The following ELP5 variants were observed in gnomAD, a reference collection of about 807,000 sequenced individuals.
ELP5 encodes elongator complex protein 5.
Under a neutral mutation model 33.4 loss-of-function variants are expected in ELP5, and 34 were observed. The ratio of observed to expected loss-of-function variants is 1.02; its 90% CI spans 0.78 to 1.36. The LOEUF is 1.36. Among genes scored for constraint, ELP5 ranks in the 40% most tolerant of loss-of-function variants. The pLI is 0.00. For synonymous variants in ELP5, 161 were observed against 146.4 expected (o/e 1.10, Z -0.72); for missense variants, 373 against 371.7 (o/e 1.00, Z -0.03).
chr17:7,258,239 A>G (rs557930977), intron 5 of ELP5, among the ~76,000 whole-genome samples: 2 of 152,258 alleles, frequency 1.3e-5, no homozygotes, highest in South Asian at 2.1e-4. Context: ...ACCTGAGGTT[A>G]GTGGTTTGAG....
At chr17:7,254,927 A>G in intron 4 of ELP5, 124 bp downstream of exon 4, 1 of 698,714 alleles carries the variant, frequency 1.4e-6, no homozygotes, top group Non-Finnish European at 2.1e-6. Context: ...CATTTTTTTG[A>G]CTTTTTTGTC....
chr17:7,253,464 G>A (rs568087719), intron 3 of ELP5, among the ~76,000 whole-genome samples: 2 of 152,324 alleles, frequency 1.3e-5, no homozygotes, highest in Admixed American at 6.5e-5. Context: ...AAGGACTTTA[G>A]TGGGTAGAAT....
At chr17:7,259,282 G>A (rs1029631830) in intron 7 of ELP5, 85 of 1,375,708 alleles carry the variant, frequency 6.2e-5, no homozygotes, top group Non-Finnish European at 7.3e-5. Flanking sequence ...CTTAGTACAC[G>A]CTTGCTGTTC....
chr17:7,257,077 C>T (rs1461323614), intron 5 of ELP5, 39 bp downstream of exon 5: 17 of 1,503,280 alleles, frequency 1.1e-5, no homozygotes, highest in Non-Finnish European at 1.3e-5. Flanking sequence ...AAACGGGGGA[C>T]AGAGAAAGGG....
intron 5 of ELP5, among the ~76,000 whole-genome samples, chr17:7,257,886 GGT>G (rs1318485819): frequency 1.3e-5 from 2 of 152,052 alleles, no homozygotes; most frequent in African/African-American, 4.8e-5. Context: ...TGGCTAACAT[GGT>G]GAAATCTCAT....
intron 5 of ELP5, among the ~76,000 whole-genome samples, chr17:7,257,241 G>T (rs1054105629): frequency 3.3e-5 from 5 of 152,144 alleles, no homozygotes; most frequent in Admixed American, 3.3e-4. Flanking sequence ...AAAGTGCTAG[G>T]ATTACAGACG....
chr17:7,256,022 C>T (rs1392049737), intron 4 of ELP5, among the ~76,000 whole-genome samples: 1 of 151,610 alleles, frequency 6.6e-6, no homozygotes, highest in East Asian at 1.9e-4. Context: ...CGCCACCGTA[C>T]TGCAGCCTGG....
In ELP5 at chr17:7,258,981, A is replaced by G. The variant is rs373920356; in HGVS notation, c.788+55A>G. On this transcript the variant is annotated intron_variant, in intron 7 of 7. Coordinates refer to ENST00000396628, the MANE Select transcript of ELP5 (RefSeq NM_203414.3). ...CTGAGTAGATCCCAGCATCTGGGCC[A>G]TGGAGAGGTTGGGGCAACAGGTTAT... 1.0e-3 allele frequency: 1,646 copies of G among 1,611,578 alleles called. 17 individuals are homozygous for G. In the African/African-American group the frequency reaches 0.02, roughly 20 times the overall value.
upstream of ELP5, chr17:7,252,107 A>C (rs1225607199): frequency 3.2e-6 from 1 of 311,752 alleles, no homozygotes; most frequent in Middle Eastern, 1.2e-3. Context: ...AGCCAAAAGC[A>C]CTCCAAGCGA....
chr17:7,256,031 G>C (rs1268383211), intron 4 of ELP5, among the ~76,000 whole-genome samples: 1 of 150,692 alleles, frequency 6.6e-6, no homozygotes, highest in African/African-American at 2.4e-5. Flanking sequence ...ACTGCAGCCT[G>C]GGTGACAGAG....
intron 6 of ELP5, 61 bp downstream of exon 6, chr17:7,258,744 GAAAA>G (rs771067672): frequency 2.5e-6 from 4 of 1,613,926 alleles, no homozygotes; most frequent in Admixed American, 1.7e-5. Flanking sequence ...TCACGGGAGA[GAAAA>G]TAAAAGCTGC....
At position 7,252,580 on chromosome 17, in the gene ELP5, C is replaced by A; in HGVS notation, c.30C>A (p.Gly10=). 1 of 1,612,814 alleles carries A rather than the reference C, an allele frequency of 6.2e-7. No homozygotes were observed. Among genetic ancestry groups the A allele is most frequent in the Non-Finnish European group, 8.5e-7 (1 of 1,179,760 alleles). MLDSLLALG[G]LVLLRDSVEW... ...TGGACTCGCTGTTGGCCTTGGGCGG[C>A]CTGGTGCTGCTTCGGGGTGAGAGCC... Residue 10 remains glycine (G), a synonymous_variant, in exon 1 of 8, where the codon GGC becomes GGA. Transcript: ENST00000396628.
At chr17:7,257,504 TA>T (rs1463389130) in intron 5 of ELP5, among the ~76,000 whole-genome samples, 1 of 150,780 alleles carries the variant, frequency 6.6e-6, no homozygotes, top group African/African-American at 2.4e-5. Flanking sequence ...AATCATAACT[TA>T]CGGCAGCTTT....
intron 4 of ELP5, among the ~76,000 whole-genome samples, chr17:7,255,109 T>G (rs1431310244): frequency 6.6e-6 from 1 of 152,086 alleles, no homozygotes. Context: ...AGACTGACTG[T>G]AGCTGGGTCC....
At position 7,252,912 on chromosome 17, in the gene ELP5, C is replaced by T; in HGVS notation, c.108-6C>T. On this transcript the variant is annotated splice_polypyrimidine_tract_variant and splice_region_variant and intron_variant, in intron 2 of 7. Coordinates refer to ENST00000396628, the MANE Select transcript of ELP5 (RefSeq NM_203414.3). ...CTTTGACAATCCCTTCTCATCTCTG[C>T]CTTAGTGGGGAGCAAGTGCATATCC... 2 of 1,614,128 alleles carry T rather than the reference C, an allele frequency of 1.2e-6. No homozygotes were observed. Among genetic ancestry groups the T allele is most frequent in the Non-Finnish European group, 1.7e-6 (2 of 1,180,012 alleles).
At position 7,257,077 on chromosome 17, in the gene ELP5, C is replaced by G. The variant is rs1461323614; in HGVS notation, c.591+39C>G. 6 of 1,503,280 alleles carry G rather than the reference C, an allele frequency of 4.0e-6. No individual in the cohort carries two copies. The South Asian group carries it at 7.8e-5, about 19-fold the overall frequency. 93.1% of individuals were successfully genotyped at this position (1,503,280 alleles called of 1,614,324 possible). A position where few individuals can be genotyped will look rare whatever the true frequency, so the allele number is the denominator to read the frequency against. Reference sequence around the variant, plus strand: ...ACAGAGAAGGACTGGAAACGGGGGACAGAGAAAGGGGTGGCACGATGGGAA... The same window carrying G: ...ACAGAGAAGGACTGGAAACGGGGGAGAGAGAAAGGGGTGGCACGATGGGAA... On this transcript the variant is annotated intron_variant, in intron 5 of 7. Coordinates refer to ENST00000396628, the MANE Select transcript of ELP5 (RefSeq NM_203414.3).
At chr17:7,256,371 A>C (rs1208039214) in intron 4 of ELP5, among the ~76,000 whole-genome samples, 1 of 152,216 alleles carries the variant, frequency 6.6e-6, no homozygotes, top group Admixed American at 6.5e-5. Context: ...AAATTGTTAA[A>C]TGTCAGTGAT....
chr17:7,257,107 A>C, intron 5 of ELP5, 69 bp downstream of exon 5: 2 of 1,438,618 alleles, frequency 1.4e-6, no homozygotes, highest in Non-Finnish European at 1.8e-6. Context: ...TGGGAAGAAC[A>C]ATGAAAATGC....
chr17:7,252,956 A>G lies in ELP5; in HGVS notation c.146A>G (p.Glu49Gly), dbSNP rs373327234. 2 of 1,614,208 alleles carry G rather than the reference A, an allele frequency of 1.2e-6. No homozygotes were observed. The highest frequency in any genetic ancestry group is 2.2e-5 in the East Asian group (1 of 44,888). ...CATATCCTGGGCTGTGAAGTGAGCG[A>G]GGAAGAGTTTCGTGAAGGTTTTGAC... ...QVHILGCEVS[E>G]EEFREGFDSD... The change falls in exon 3 of 8, where the codon GAG (glutamate) becomes GGG (glycine). Residue 49 changes from glutamate (E) to glycine (G), a missense_variant. Physicochemically the swap from Glu to Gly is moderately conservative, Grantham distance 98. Transcript: ENST00000396628.
Sources: gnomAD v4.1 joint callset for allele counts (sites outside exome capture counted in the v4.1 genomes callset) on GRCh38, gnomAD v4.1.1 for gene constraint, MANE v1.5 for transcripts, NCBI Gene and HGNC (gene_info 2026-07-23, HGNC 2026-07-21) for gene names.